The following COL9A3 variants were observed in gnomAD, a reference collection of about 807,000 sequenced individuals.
COL9A3 encodes collagen alpha-3(IX) chain.
Under a neutral mutation model 110.2 loss-of-function variants are expected in COL9A3, and 82 were observed. That is an observed-to-expected ratio of 0.74 (90% CI 0.62 to 0.89). The LOEUF (loss-of-function observed/expected upper bound fraction) is 0.89. Ranked by LOEUF, COL9A3 falls within the 40% of genes least tolerant of loss-of-function variation. The probability of loss-of-function intolerance (pLI) is 0.00; values close to 1 mark genes in which losing one functional copy is unlikely to be tolerated. For synonymous variants in COL9A3, 494 were observed against 403.8 expected (o/e 1.22, Z -2.68); for missense variants, 1,066 against 981.3 (o/e 1.09, Z -1.15).
intron 31 of COL9A3, among the ~76,000 whole-genome samples, chr20:62,840,040 G>T (rs899052878): frequency 6.6e-6 from 1 of 151,852 alleles, no homozygotes; most frequent in African/African-American, 2.4e-5. Context: ...CAGCCTCCCG[G>T]CCGCACCATG....
Position 62,817,072 on chromosome 20 carries a change from G to C in COL9A3, c.8G>C (p.Gly3Ala). The C allele has an allele frequency of 7.2e-7, 1 of 1,383,166 alleles. No homozygotes were observed. Among genetic ancestry groups the C allele is most frequent in the Non-Finnish European group, 9.4e-7 (1 of 1,062,122 alleles). 85.7% of individuals were successfully genotyped at this position (1,383,166 alleles called of 1,614,324 possible). A position where few individuals can be genotyped will look rare whatever the true frequency, so the allele number is the denominator to read the frequency against. The stretch of plus-strand genomic sequence containing the variant: ...CTCAGACTCCGCTCAGCCATGGCCG[G>C]GCCGCGCGCGTGCGCCCCGCTCCTG... MAGPRACAPLLLL... is the reference protein window; with the variant it reads MAAPRACAPLLLL... The change falls in exon 1 of 32, where the codon GGG becomes GCG. Residue 3 changes from glycine to alanine, a missense_variant. Transcript: ENST00000649368.
chr20:62,827,661 G>A (rs983059882), intron 16 of COL9A3, among the ~76,000 whole-genome samples: 3 of 152,200 alleles, frequency 2.0e-5, no homozygotes, highest in African/African-American at 7.2e-5. Context: ...TGAAGTGACC[G>A]TCCCCAGACT....
At position 62,827,598 on chromosome 20, in the gene COL9A3, G is replaced by A. The variant is rs2063564494; in HGVS notation, c.846+304G>A. Among the ~76,000 whole-genome samples, 7 of 152,208 alleles carry A rather than the reference G, an allele frequency of 4.6e-5. No individual in the cohort carries two copies. In the South Asian group the frequency reaches 1.4e-3, roughly 32 times the overall value. On this transcript the variant is annotated intron_variant, in intron 16 of 31. Coordinates refer to ENST00000649368, the MANE Select transcript of COL9A3 (RefSeq NM_001853.4). ...CCAGAGAAAACGGCTCTCGGGTTGA[G>A]CAAGTGAACATAAGGAAAGTCCAGA... is the stretch of plus-strand genomic sequence containing the variant.
At position 62,830,543 on chromosome 20, in the gene COL9A3, C is replaced by T. The variant is rs150153886; in HGVS notation, c.1242C>T (p.Pro414=). 1,993 of 1,608,168 alleles carry T rather than the reference C, an allele frequency of 1.2e-3. 1 individual carries two copies. Among genetic ancestry groups the T allele is most frequent in the Non-Finnish European group, 1.5e-3 (1,786 of 1,178,304 alleles). ...FQGQKGSMGD[P]GLPGPQGLRG... ...GCCAGAAGGGCAGCATGGGAGACCC[C>T]GGCCTTCCAGGCCCCCAGGGCCTCC... Residue 414 remains proline (P), a synonymous_variant, in exon 24 of 32, where the codon CCC becomes CCT. Coordinates refer to ENST00000649368, the MANE Select transcript of COL9A3 (RefSeq NM_001853.4).
chr20:62,830,305 T>C (rs995063771), intron 22 of COL9A3, 55 bp from the exon 23 acceptor site: 31 of 1,544,468 alleles, frequency 2.0e-5, no homozygotes, highest in African/African-American at 5.5e-5. Flanking sequence ...CTGGGGCCTC[T>C]TGGGGACTCC....
chr20:62,822,090 TA>T lies in COL9A3; in HGVS notation c.424-19del. ...AGGTGGGGGCTGGTCCCACTCTGTC[TA>T]AGTCATACCCCCTCCCCAGGGACCT... is the stretch of plus-strand genomic sequence containing the variant. On this transcript the variant is annotated intron_variant, in intron 8 of 31. Transcript: ENST00000649368. The T allele has an allele frequency of 2.7e-6, 4 of 1,495,152 alleles. No individual in the cohort carries two copies. The highest frequency in any genetic ancestry group is 1.9e-6 in the Non-Finnish European group (2 of 1,072,212). The allele number at this position is 1,495,152 out of a possible 1,614,324, so 92.6% of individuals were successfully genotyped here.
chr20:62,821,353 C>T, intron 6 of COL9A3, 137 bp downstream of exon 6: 1 of 1,336,102 alleles, frequency 7.5e-7, no homozygotes, highest in Non-Finnish European at 1.1e-6. Flanking sequence ...AGGCTGGTGC[C>T]TGGATGGGGT....
At position 62,830,508 on chromosome 20, in the gene COL9A3, C is replaced by T; in HGVS notation, c.1216-9C>T. ...ATGGGCACTGACGAGCCAGGACCTC[C>T]TTCCCCAGGGCCAGAAGGGCAGCAT... On this transcript the variant is annotated splice_polypyrimidine_tract_variant and intron_variant, in intron 23 of 31. Transcript: ENST00000649368. 2.5e-6 allele frequency: 4 copies of T among 1,607,778 alleles called. No homozygotes were observed. In the South Asian group the frequency reaches 3.3e-5, roughly 13 times the overall value.
rs2063514857 is a variant in COL9A3, at chr20:62,821,776, GC to G, written c.395del (p.Pro132GlnfsTer401). 1.2e-6 allele frequency: 2 copies of G among 1,610,240 alleles called. No homozygotes were observed. Among genetic ancestry groups the G allele is most frequent in the African/African-American group, 1.3e-5 (1 of 74,876 alleles). The stretch of plus-strand genomic sequence containing the variant: ...CTCCAGGGAGAGGCAGGAGTGAGCG[GC>G]CCCCCAGGTGGGATCGGCCTCCGCG... ...PGPPGEAGVS[G>X]PPGGIGLRGP... On this transcript the variant is annotated frameshift_variant, in exon 8 of 32. Transcript: ENST00000649368. LOFTEE classifies it high-confidence loss of function.
At chr20:62,822,986 TG>T (rs1420364799) in intron 10 of COL9A3, among the ~76,000 whole-genome samples, 2 of 152,242 alleles carry the variant, frequency 1.3e-5, no homozygotes, top group Non-Finnish European at 2.9e-5. Flanking sequence ...GCGACAGAAC[TG>T]GAGTCTGGGA....
intron 19 of COL9A3, 22 bp downstream of exon 19, chr20:62,828,998 C>A (rs112511918): frequency 2.5e-6 from 4 of 1,585,244 alleles, no homozygotes. Flanking sequence ...GCGGGTGGGG[C>A]CAGCCTGGGG....
At chr20:62,836,365 A>G in intron 28 of COL9A3, 32 bp downstream of exon 28, 1 of 1,613,860 alleles carries the variant, frequency 6.2e-7, no homozygotes. Context: ...TCCAGCTTTC[A>G]CAGGGTTGAG....
chr20:62,820,327 C>T (rs908514509), intron 5 of COL9A3, among the ~76,000 whole-genome samples: 1 of 151,900 alleles, frequency 6.6e-6, no homozygotes, highest in African/African-American at 2.4e-5. Flanking sequence ...GGGCACGCAG[C>T]CTGCAGAGTC....
Position 62,837,103 on chromosome 20 carries a change from G to A in COL9A3, c.1624G>A (p.Ala542Thr), listed in dbSNP as rs190167637. 7.3e-5 allele frequency: 118 copies of A among 1,613,468 alleles called. 1 individual carries two copies. The East Asian group carries it at 1.4e-3, about 19-fold the overall frequency. ...CAAAGAACAAATTGCACAGTTAGCCGCGCACCTAAGGAAGCCTTTGGCACC... is the reference window on the plus strand; with the variant it reads ...CAAAGAACAAATTGCACAGTTAGCCACGCACCTAAGGAAGCCTTTGGCACC... The part of the protein sequence containing the change: ...MISEQIAQLA[A>T]HLRKPLAPGS... Residue 542 changes from alanine (A) to threonine (T), a missense_variant, in exon 30 of 32, where the codon GCG (alanine) becomes ACG (threonine). Coordinates refer to ENST00000649368, the MANE Select transcript of COL9A3 (RefSeq NM_001853.4).
chr20:62,823,586 A>C (rs2063527411), intron 10 of COL9A3, among the ~76,000 whole-genome samples: 1 of 152,198 alleles, frequency 6.6e-6, no homozygotes, highest in South Asian at 2.1e-4. Flanking sequence ...ACCTTCCAGA[A>C]TGTGGTGCGT....
At chr20:62,825,766 T>C in intron 12 of COL9A3, 51 bp from the exon 13 acceptor site, 2 of 1,539,960 alleles carry the variant, frequency 1.3e-6, no homozygotes, top group Non-Finnish European at 1.8e-6. Flanking sequence ...CACCGAAAGG[T>C]GCAAGGAGAG....
intron 19 of COL9A3, 21 bp downstream of exon 19, chr20:62,828,997 G>T (rs368713419): frequency 1.9e-6 from 3 of 1,585,174 alleles, no homozygotes; most frequent in African/African-American, 2.7e-5. Context: ...GGCGGGTGGG[G>T]CCAGCCTGGG....
rs1483801279 is a variant in COL9A3, at chr20:62,838,717, C to A, written c.1820C>A (p.Ala607Glu). The change falls in exon 31 of 32, where the codon GCA becomes GAA. Residue 607 changes from alanine to glutamate, a missense_variant. Transcript: ENST00000649368. Reference sequence around the variant, plus strand: ...GGTGACAGAGGAGACAAAGGCGCGGCAGGAGCAGGGCTGGACGGGCCTGAA... The same window carrying A: ...GGTGACAGAGGAGACAAAGGCGCGGAAGGAGCAGGGCTGGACGGGCCTGAA... ...NQGDRGDKGA[A>E]GAGLDGPEGD... is the part of the protein sequence containing the mutation. 6.4e-7 allele frequency: 1 copy of A among 1,552,788 alleles called. No homozygotes were observed. Among genetic ancestry groups the A allele is most frequent in the African/African-American group, 1.4e-5 (1 of 73,208 alleles).
Position 62,828,977 on chromosome 20 carries a change from G to A in COL9A3, c.1008+1G>A, listed in dbSNP as rs1413014936. ...AGAGAAGGGCCCCAACGGGCTGCCG[G>A]TGAGTGCCCGGCGGGTGGGGCCAGC... On this transcript the variant is annotated splice_donor_variant, in intron 19 of 31. Transcript: ENST00000649368. LOFTEE classifies it high-confidence loss of function. The A allele has an allele frequency of 2.5e-6, 4 of 1,604,030 alleles. No homozygotes were observed. Among genetic ancestry groups the A allele is most frequent in the Non-Finnish European group, 3.4e-6 (4 of 1,177,082 alleles).
Sources: allele counts gnomAD v4.1 joint callset (sites outside exome capture counted in the v4.1 genomes callset), GRCh38; gene constraint gnomAD v4.1.1; transcripts MANE v1.5; gene names NCBI Gene and HGNC (gene_info 2026-07-23, HGNC 2026-07-21).